Variants in DGCR6L observed in about 807,000 individuals in gnomAD.
The protein encoded by DGCR6L is protein DGCR6L.
DGCR6L carries 24 observed loss-of-function variants against 31.1 expected under a neutral mutation model. The ratio of observed to expected loss-of-function variants is 0.77; its 90% confidence interval spans 0.56 to 1.08. The LOEUF (loss-of-function observed/expected upper bound fraction) is 1.08. Ranked by LOEUF, DGCR6L falls within the 50% of genes least tolerant of loss-of-function variation. The pLI, the probability that DGCR6L is intolerant of heterozygous loss-of-function variation, is 0.00. For synonymous variants in DGCR6L, 104 were observed against 126.1 expected (o/e 0.82, Z 1.17); for missense variants, 218 against 287.1 (o/e 0.76, Z 1.74).
intron 3 of DGCR6L, 26 bp downstream of exon 3, chr22:20,316,093 G>A (rs1415076881): frequency 5.1e-6 from 8 of 1,582,614 alleles, no homozygotes; most frequent in African/African-American, 2.7e-5. Flanking sequence ...GAGCTGGGCC[G>A]GCCACCCTGC....
rs747998728 is a variant in DGCR6L, at chr22:20,319,954, G to T, written c.35C>A (p.Ala12Glu). 42 of 1,606,596 alleles carry T rather than the reference G, an allele frequency of 2.6e-5. 1 individual carries two copies. In the East Asian group the frequency reaches 9.2e-4, roughly 35 times the overall value. Reference sequence around the variant, plus strand: ...TCGCTCCTGCTGCCGGGCACCGTCCGCCACCTCCTCCAAGGCGGCCGCGTA... The same window carrying T: ...TCGCTCCTGCTGCCGGGCACCGTCCTCCACCTCCTCCAAGGCGGCCGCGTA... ...ERYAAALEEV[A>E]DGARQQERHY... The change falls in exon 1 of 5, where the codon GCG becomes GAG. Residue 12 changes from alanine (A) to glutamate (E), a missense_variant. Ala to Glu is a moderately radical substitution (Grantham distance 107, BLOSUM62 -1). Transcript: ENST00000248879.
chr22:20,319,977 G>C lies in DGCR6L; in HGVS notation c.12C>G (p.Tyr4Ter). The C allele has an allele frequency of 6.3e-7, 1 of 1,594,886 alleles. No individual in the cohort carries two copies. Among genetic ancestry groups the C allele is most frequent in the Non-Finnish European group, 8.5e-7 (1 of 1,172,516 alleles). Residue 4 changes from tyrosine to a stop codon, truncating the protein, a stop_gained, in exon 1 of 5, where the codon TAC becomes TAG. Transcript: ENST00000248879. LOFTEE classifies it high-confidence loss of function. MER[Y>*]AAALEEVADG... ...CCGCCACCTCCTCCAAGGCGGCCGC[G>C]TAGCGCTCCATGGCGCGGACGCCCG...
intron 4 of DGCR6L, 29 bp downstream of exon 4, chr22:20,315,307 G>A (rs771774458): frequency 1.2e-6 from 2 of 1,602,106 alleles, no homozygotes; most frequent in Middle Eastern, 1.7e-4. Context: ...GGGCACTCGG[G>A]CTAGGGCAGA....
At position 20,319,994 on chromosome 22, in the gene DGCR6L, G is replaced by A; in HGVS notation, c.-6C>T. 3 of 1,561,890 alleles carry A rather than the reference G, an allele frequency of 1.9e-6. No individual in the cohort carries two copies. Among genetic ancestry groups the A allele is most frequent in the East Asian group, 4.7e-5 (2 of 42,630 alleles). On this transcript the variant is annotated 5_prime_UTR_variant, in exon 1 of 5. Coordinates refer to ENST00000248879, the MANE Select transcript of DGCR6L (RefSeq NM_033257.4). ...GCGGCCGCGTAGCGCTCCATGGCGC[G>A]GACGCCCGCTAGCCGCCGGCGGCGG... is the stretch of plus-strand genomic sequence containing the variant.
chr22:20,316,750 G>C (rs760304156), intron 2 of DGCR6L, among the ~76,000 whole-genome samples: 8 of 152,180 alleles, frequency 5.3e-5, no homozygotes, highest in Non-Finnish European at 8.8e-5. Flanking sequence ...CCCAGCCCCC[G>C]CACAGCGCCA....
intron 2 of DGCR6L, among the ~76,000 whole-genome samples, chr22:20,316,749 C>T (rs540604638): frequency 3.3e-5 from 5 of 152,334 alleles, no homozygotes; most frequent in East Asian, 1.9e-4. Context: ...TCCCAGCCCC[C>T]GCACAGCGCC....
chr22:20,319,476 A>G (rs374354616), intron 2 of DGCR6L, among the ~76,000 whole-genome samples, 163 bp downstream of exon 2: 29 of 152,188 alleles, frequency 1.9e-4, no homozygotes, highest in African/African-American at 7.0e-4. Context: ...CCCACTGATC[A>G]CCAAAAAGGC....
Position 20,319,784 on chromosome 22 carries a change from G to A in DGCR6L, c.126C>T (p.Arg42=). ...GGTCGCTGAGCGTGGTGTAGGACAG[G>A]CGCTGCTGGAAAGAGCTGCGGGTAG... The part of the protein sequence containing the change: ...VKELPSSFQQ[R]LSYTTLSDLA... Residue 42 remains arginine, a synonymous_variant, in exon 2 of 5, where the codon CGC becomes CGT. Transcript: ENST00000248879. The A allele has an allele frequency of 1.9e-6, 3 of 1,611,656 alleles. No homozygotes were observed. The highest frequency in any genetic ancestry group is 1.7e-5 in the Admixed American group (1 of 59,698).
At position 20,320,024 on chromosome 22, in the gene DGCR6L, G is replaced by A. The variant is rs767833489; in HGVS notation, c.-36C>T. On this transcript the variant is annotated 5_prime_UTR_variant, in exon 1 of 5. Transcript: ENST00000248879. Reference sequence around the variant, plus strand: ...CCCGCTAGCCGCCGGCGGCGGCGACGAGCTCCCCCAGCTTCACGACATCCC... The same window carrying A: ...CCCGCTAGCCGCCGGCGGCGGCGACAAGCTCCCCCAGCTTCACGACATCCC... The A allele has an allele frequency of 1.1e-5, 16 of 1,511,648 alleles. No individual in the cohort carries two copies. Among genetic ancestry groups the A allele is most frequent in the East Asian group, 4.9e-5 (2 of 40,782 alleles). 93.6% of individuals were successfully genotyped at this position (1,511,648 alleles called of 1,614,324 possible). A position where few individuals can be genotyped will look rare whatever the true frequency, so the allele number is the denominator to read the frequency against.
At chr22:20,315,865 G>A (rs903943615) in intron 3 of DGCR6L, among the ~76,000 whole-genome samples, 2 of 152,164 alleles carry the variant, frequency 1.3e-5, no homozygotes, top group African/African-American at 4.8e-5. Flanking sequence ...CTGCTCTGTG[G>A]AGGCCCAAAC....
In DGCR6L at chr22:20,319,810, G is replaced by A. The variant is rs569826368; in HGVS notation, c.111-11C>T. On this transcript the variant is annotated splice_polypyrimidine_tract_variant and intron_variant, in intron 1 of 4. Transcript: ENST00000248879. ...CGCTGCTGGAAAGAGCTGCGGGTAG[G>A]GGGGCGCGGTGAGCCCCGGCGGGAA... 3.1e-5 allele frequency: 49 copies of A among 1,606,072 alleles called. No individual in the cohort carries two copies. Among genetic ancestry groups the A allele is most frequent in the South Asian group, 2.2e-4 (20 of 90,258 alleles).
rs746692807 is a variant in DGCR6L, at chr22:20,315,316, G to A, written c.513+20C>T. On this transcript the variant is annotated intron_variant, in intron 4 of 4. Coordinates refer to ENST00000248879, the MANE Select transcript of DGCR6L (RefSeq NM_033257.4). ...GCCCCGGGGCACTCGGGCTAGGGCA[G>A]AGCAGGCCCAGGCACTGACCTGTGG... The A allele has an allele frequency of 2.6e-5, 42 of 1,607,602 alleles. No individual in the cohort carries two copies. The South Asian group carries it at 4.5e-4, about 17-fold the overall frequency.
Position 20,314,540 on chromosome 22 carries a change from T to C in DGCR6L, c.*135A>G. ...GACTATCCTAGGGTTTGACAGCAAG[T>C]CCCAGATGAAGGGTGACAGGCAGCT... On this transcript the variant is annotated 3_prime_UTR_variant, in exon 5 of 5. Coordinates refer to ENST00000248879, the MANE Select transcript of DGCR6L (RefSeq NM_033257.4). 1 of 1,248,790 alleles carries C rather than the reference T, an allele frequency of 8.0e-7. No individual in the cohort carries two copies. The allele number at this position is 1,248,790 out of a possible 1,614,324, so 77.4% of individuals were successfully genotyped here.
intron 4 of DGCR6L, 36 bp downstream of exon 4, chr22:20,315,300 C>T (rs1569060247): frequency 1.3e-6 from 2 of 1,594,248 alleles, no homozygotes; most frequent in Non-Finnish European, 1.7e-6. Context: ...GGCCCCGGGG[C>T]ACTCGGGCTA....
At chr22:20,316,263 G>A (rs1230843929) in intron 2 of DGCR6L, 44 bp from the exon 3 acceptor site, 1 of 1,557,300 alleles carries the variant, frequency 6.4e-7, no homozygotes, top group African/African-American at 1.4e-5. Context: ...GGACTCGGCA[G>A]CAGCCCTCAC....
intron 2 of DGCR6L, chr22:20,318,392 G>C (rs1037420840): frequency 2.0e-5 from 3 of 152,328 alleles, no homozygotes; most frequent in East Asian, 1.9e-4. Flanking sequence ...CAGGTTAAAT[G>C]CAAGAGGAAG....
intron 2 of DGCR6L, among the ~76,000 whole-genome samples, chr22:20,319,096 T>C (rs981423801): frequency 3.3e-5 from 5 of 152,176 alleles, no homozygotes; most frequent in African/African-American, 7.2e-5. Context: ...ACCTGCCCTA[T>C]ATAATTTGCA....
Position 20,319,770 on chromosome 22 carries a change from G to T in DGCR6L, c.140C>A (p.Thr47Lys). The change falls in exon 2 of 5, where the codon ACG (threonine) becomes AAG (lysine). Residue 47 changes from threonine (T) to lysine (K), a missense_variant. By Grantham distance (78) the Thr-to-Lys change is moderately conservative. Coordinates refer to ENST00000248879, the MANE Select transcript of DGCR6L (RefSeq NM_033257.4). ...AAGCGCCAGGGCCAGGTCGCTGAGCGTGGTGTAGGACAGGCGCTGCTGGAA... is the reference window on the plus strand; with the variant it reads ...AAGCGCCAGGGCCAGGTCGCTGAGCTTGGTGTAGGACAGGCGCTGCTGGAA... ...SSFQQRLSYT[T>K]LSDLALALLD... is the part of the protein sequence containing the mutation. 1.2e-6 allele frequency: 2 copies of T among 1,612,482 alleles called. No homozygotes were observed. The highest frequency in any genetic ancestry group is 8.5e-7 in the Non-Finnish European group (1 of 1,179,396).
At chr22:20,317,197 C>G (rs3747075) in intron 2 of DGCR6L, among the ~76,000 whole-genome samples, 50,374 of 152,132 alleles carry the variant, frequency 0.33, 9,667 homozygotes, top group Non-Finnish European at 0.44. Flanking sequence ...GTGCCTACAG[C>G]CTTCCCCGAT....
Sources: allele counts gnomAD v4.1 joint callset (sites outside exome capture counted in the v4.1 genomes callset), GRCh38; gene constraint gnomAD v4.1.1; transcripts MANE v1.5; gene names NCBI Gene and HGNC (gene_info 2026-07-23, HGNC 2026-07-21).